Variants in SH3PXD2A observed in about 807,000 individuals in gnomAD.
SH3PXD2A encodes SH3 and PX domain-containing protein 2A.
A neutral mutation model predicts 115.2 loss-of-function variants in SH3PXD2A; 32 were observed. The observed-to-expected ratio is 0.28, with a 90% CI of 0.21 to 0.37. SH3PXD2A has a LOEUF of 0.37. SH3PXD2A is among the 10% of genes least tolerant of loss of function. SH3PXD2A has a pLI of 1.00. For missense variants in SH3PXD2A, 1,328 were observed against 1,498.7 expected, an observed-to-expected ratio of 0.89 and a Z score of 1.88; for synonymous variants, 610 against 629.1, an observed-to-expected ratio of 0.97 and a Z score of 0.45.
Position 103,596,376 on chromosome 10 carries a change from A to G in SH3PXD2A, c.*5440T>C, listed in dbSNP as rs1189638902. On this transcript the variant is annotated 3_prime_UTR_variant, in exon 15 of 15. Transcript: ENST00000369774. The stretch of plus-strand genomic sequence containing the variant: ...GATGACTGCCTAGGCCACTTATGCT[A>G]GACCTGTTAATGCCAGTGTGAAATT... 6.6e-6 allele frequency: 1 copy of G among 152,584 alleles called. No individual in the cohort carries two copies. The highest frequency in any genetic ancestry group is 2.4e-5 in the African/African-American group (1 of 41,418). 9.5% of individuals were successfully genotyped at this position (152,584 alleles called of 1,614,324 possible). A position where few individuals can be genotyped will look rare whatever the true frequency, so the allele number is the denominator to read the frequency against.
In SH3PXD2A at chr10:103,603,488, T is replaced by C; in HGVS notation, c.1730A>G (p.Glu577Gly). ...SEPELSEEPV[E>G]DRASGERRPA... ...CCGCCTCTCCCCTGAGGCTCTGTCC[T>C]CCACGGGCTCCTCGCTCAGCTCAGG... is the stretch of plus-strand genomic sequence containing the variant. Residue 577 changes from glutamate (E) to glycine (G), a missense_variant, in exon 15 of 15, where the codon GAG (glutamate) becomes GGG (glycine). Glu to Gly is a moderately conservative substitution (Grantham distance 98). Around this residue, in one of 5 missense-constraint regions of SH3PXD2A, gnomAD observed 509 missense variants for 628.3 expected, o/e 0.81. Coordinates refer to ENST00000369774, the MANE Select transcript of SH3PXD2A (RefSeq NM_001394015.1). 1 of 1,611,466 alleles carries C rather than the reference T, an allele frequency of 6.2e-7. No homozygotes were observed. The highest frequency in any genetic ancestry group is 8.5e-7 in the Non-Finnish European group (1 of 1,178,718).
chr10:103,833,610 C>T (rs147820985), intron 1 of SH3PXD2A, among the ~76,000 whole-genome samples: 6 of 152,188 alleles, frequency 3.9e-5, no homozygotes, highest in Admixed American at 2.6e-4. Flanking sequence ...TATTATCTAC[C>T]CGAACTTTCT....
intron 2 of SH3PXD2A, among the ~76,000 whole-genome samples, chr10:103,794,664 G>A (rs2039069583): frequency 6.6e-6 from 1 of 152,212 alleles, no homozygotes; most frequent in Admixed American, 6.5e-5. Context: ...ATCACCAAAT[G>A]GGCCTCGACG....
At chr10:103,745,799 G>T (rs755052730) in intron 3 of SH3PXD2A, among the ~76,000 whole-genome samples, 1 of 152,162 alleles carries the variant, frequency 6.6e-6, no homozygotes, top group Non-Finnish European at 1.5e-5. Flanking sequence ...TCTCCCACAC[G>T]GCTTCCGTTT....
chr10:103,685,097 G>C (rs1164279168), intron 6 of SH3PXD2A, among the ~76,000 whole-genome samples: 1 of 152,140 alleles, frequency 6.6e-6, no homozygotes, highest in African/African-American at 2.4e-5. Flanking sequence ...CAGCACTTTG[G>C]GAGGCCAAGG....
chr10:103,624,483 C>T (rs1034737972), intron 9 of SH3PXD2A, among the ~76,000 whole-genome samples: 5 of 152,128 alleles, frequency 3.3e-5, no homozygotes, highest in African/African-American at 9.7e-5. Context: ...GGCTTGGACC[C>T]GCACCTCTGT....
chr10:103,631,967 A>G (rs11191751), intron 8 of SH3PXD2A, among the ~76,000 whole-genome samples: 37,475 of 151,630 alleles, frequency 0.25, 5,570 homozygotes, highest in African/African-American at 0.41. Flanking sequence ...AAAAAATGTT[A>G]ATAGCGCACG....
At chr10:103,761,832 A>G (rs561708439) in intron 3 of SH3PXD2A, among the ~76,000 whole-genome samples, 1 of 152,300 alleles carries the variant, frequency 6.6e-6, no homozygotes, top group Non-Finnish European at 1.5e-5. Context: ...CTTCTTGCCC[A>G]AGGAAAGACA....
chr10:103,692,622 C>A (rs796934453), intron 6 of SH3PXD2A, among the ~76,000 whole-genome samples: 16 of 152,368 alleles, frequency 1.1e-4, no homozygotes, highest in African/African-American at 3.8e-4. Flanking sequence ...TCCATCACCG[C>A]TGCACCGCGA....
At chr10:103,833,276 T>C (rs923923233) in intron 1 of SH3PXD2A, among the ~76,000 whole-genome samples, 3 of 152,198 alleles carry the variant, frequency 2.0e-5, no homozygotes, top group African/African-American at 4.8e-5. Flanking sequence ...TCCATAGGTA[T>C]GAGGGATCCA....
intron 1 of SH3PXD2A, among the ~76,000 whole-genome samples, chr10:103,827,009 C>T (rs2134298184): frequency 6.6e-6 from 1 of 152,254 alleles, no homozygotes; most frequent in African/African-American, 2.4e-5. Context: ...TGGAAGTGAT[C>T]AAGGGATGAA....
At chr10:103,653,182 T>A (rs978834959) in intron 8 of SH3PXD2A, among the ~76,000 whole-genome samples, 2 of 152,224 alleles carry the variant, frequency 1.3e-5, no homozygotes, top group African/African-American at 4.8e-5. Flanking sequence ...TTGAGCCCCA[T>A]GAGGGCTTTG....
In SH3PXD2A at chr10:103,612,866, C is replaced by T. The variant is rs150998060; in HGVS notation, c.1245G>A (p.Gln415=). 2.0e-5 allele frequency: 32 copies of T among 1,567,124 alleles called. No homozygotes were observed. The highest frequency in any genetic ancestry group is 2.8e-5 in the Non-Finnish European group (32 of 1,159,456). ...CGAGGCTCTTACTGATCTGGGCCCGCTGAGGGGCAATCCTGGCCACAGCTG... is the reference window on the plus strand; with the variant it reads ...CGAGGCTCTTACTGATCTGGGCCCGTTGAGGGGCAATCCTGGCCACAGCTG... ...GSPAVARIAP[Q]RAQISSPNLR... Residue 415 remains glutamine (Q), a synonymous_variant, in exon 12 of 15, where the codon CAG becomes CAA. Coordinates refer to ENST00000369774, the MANE Select transcript of SH3PXD2A (RefSeq NM_001394015.1).
At chr10:103,656,577 C>A (rs1238273275) in intron 8 of SH3PXD2A, among the ~76,000 whole-genome samples, 1 of 152,130 alleles carries the variant, frequency 6.6e-6, no homozygotes, top group East Asian at 1.9e-4. Flanking sequence ...TGCCTGTGAT[C>A]CCAGCACTTT....
chr10:103,754,902 A>G (rs2038622237), intron 3 of SH3PXD2A: 1 of 152,218 alleles, frequency 6.6e-6, no homozygotes. Context: ...ACCAAGCACC[A>G]AGAGAGCCCT....
At chr10:103,643,639 A>G (rs1208874710) in intron 8 of SH3PXD2A, among the ~76,000 whole-genome samples, 1 of 152,250 alleles carries the variant, frequency 6.6e-6, no homozygotes, top group Admixed American at 6.5e-5. Context: ...TTAACAGCAC[A>G]GGAGCCCCAA....
intron 4 of SH3PXD2A, 25 bp downstream of exon 4, chr10:103,735,699 GAGCCCCTC>G: frequency 1.6e-6 from 1 of 624,542 alleles, no homozygotes; most frequent in Non-Finnish European, 3.0e-6. Flanking sequence ...AGCCCTCCCC[GAGCCCCTC>G]CCCCAGCCCC....
At chr10:103,767,326 T>C (rs760557432) in intron 2 of SH3PXD2A, among the ~76,000 whole-genome samples, 157 bp from the exon 3 acceptor site, 1 of 151,994 alleles carries the variant, frequency 6.6e-6, no homozygotes, top group African/African-American at 2.4e-5. Flanking sequence ...ACAAACCACA[T>C]GGGGCATGAG....
chr10:103,727,307 A>G (rs1019846927), intron 4 of SH3PXD2A, among the ~76,000 whole-genome samples: 1 of 152,190 alleles, frequency 6.6e-6, no homozygotes, highest in African/African-American at 2.4e-5. Context: ...CACACTGTCC[A>G]TGCTGTGTTC....
Sources: allele counts gnomAD v4.1 joint callset (sites outside exome capture counted in the v4.1 genomes callset), GRCh38; gene constraint gnomAD v4.1.1; regional missense constraint gnomAD v4.1.1; transcripts MANE v1.5; gene names NCBI Gene and HGNC (gene_info 2026-07-23, HGNC 2026-07-21).